PHACTR2: variants seen among roughly 807,000 people sequenced by gnomAD.
PHACTR2 encodes the protein chromosome 6 open reading frame 56.
In PHACTR2, 30 loss-of-function variants were observed where a neutral mutation model predicts 76.0. The ratio of observed to expected loss-of-function variants is 0.39; its 90% confidence interval spans 0.30 to 0.54. The LOEUF is 0.54. PHACTR2 is among the 20% of genes least tolerant of loss of function. The pLI is 0.61. For synonymous variants in PHACTR2, 292 were observed against 292.5 expected (o/e 1.00, Z 0.02); for missense variants, 696 against 781.1 (o/e 0.89, Z 1.30).
At chr6:143,560,365 T>C (rs1401890759) in intron 1 of PHACTR2, among the ~76,000 whole-genome samples, 1 of 152,216 alleles carries the variant, frequency 6.6e-6, no homozygotes, top group Non-Finnish European at 1.5e-5. Flanking sequence ...TGATTCTGTA[T>C]CTTTAAATTA....
At position 143,760,566 on chromosome 6, in the gene PHACTR2, A is replaced by G. The variant is rs1408746561; in HGVS notation, c.620A>G (p.Asn207Ser). ...KGDEVPPIKKNTKAPGKQAPV... is the reference protein window; with the variant it reads ...KGDEVPPIKKSTKAPGKQAPV... ...GATGAAGTGCCTCCCATTAAAAAAA[A>G]TACCAAGGCTCCTGGTAAGCAGGCC... Residue 207 changes from asparagine to serine, a missense_variant, in exon 5 of 13, where the codon AAT becomes AGT. Around this residue, in one of 2 missense-constraint regions of PHACTR2, gnomAD observed 460 missense variants for 450.9 expected, o/e 1.02. Transcript: ENST00000440869. This position sits in a 1 kb window ranked among gnomAD's most constrained non-coding sequence, Gnocchi z 6.4. 1.2e-6 allele frequency: 2 copies of G among 1,613,900 alleles called. No individual in the cohort carries two copies. The highest frequency in any genetic ancestry group is 2.2e-5 in the South Asian group (2 of 91,076).
intron 1 of PHACTR2, among the ~76,000 whole-genome samples, chr6:143,540,841 G>A (rs1454308790): frequency 6.6e-6 from 1 of 152,184 alleles, no homozygotes; most frequent in Non-Finnish European, 1.5e-5. Context: ...CTTTTATTAT[G>A]TTTATAAAAA....
chr6:143,679,058 A>G lies in PHACTR2; in HGVS notation c.46+849A>G, dbSNP rs1254990785. Among the ~76,000 whole-genome samples, 1 of 152,158 alleles carries G rather than the reference A, an allele frequency of 6.6e-6. No individual in the cohort carries two copies. Among genetic ancestry groups the G allele is most frequent in the African/African-American group, 2.4e-5 (1 of 41,428 alleles). ...TTAAAAATAAATAATACTCGAAGGG[A>G]CCGTTTATGTTACTCATTGAGATAT... is the stretch of plus-strand genomic sequence containing the variant. On this transcript the variant is annotated intron_variant, in intron 1 of 12. Coordinates refer to ENST00000440869, the MANE Select transcript of PHACTR2 (RefSeq NM_001100164.2). This position sits in a 1 kb window ranked among gnomAD's most constrained non-coding sequence, Gnocchi z 4.6.
chr6:143,717,908 T>A (rs1742648645), intron 2 of PHACTR2, among the ~76,000 whole-genome samples: 2 of 152,168 alleles, frequency 1.3e-5, no homozygotes, highest in South Asian at 4.1e-4. Context: ...TTGAAGATTT[T>A]AAAAATTATA....
chr6:143,746,924 G>C (rs1189310325), intron 2 of PHACTR2, among the ~76,000 whole-genome samples: 1 of 152,014 alleles, frequency 6.6e-6, no homozygotes, highest in Non-Finnish European at 1.5e-5. Context: ...GCTTCTGGAA[G>C]ATACAGGAAG....
chr6:143,797,356 A>G (rs543247291), intron 11 of PHACTR2, among the ~76,000 whole-genome samples: 21 of 152,260 alleles, frequency 1.4e-4, no homozygotes, highest in Non-Finnish European at 1.6e-4. Flanking sequence ...CCCATTCTGT[A>G]GGTTGCCTGT....
At chr6:143,538,665 A>C (rs1435686402) in intron 1 of PHACTR2, among the ~76,000 whole-genome samples, 1 of 152,216 alleles carries the variant, frequency 6.6e-6, no homozygotes, top group East Asian at 1.9e-4. Context: ...TGTTCAAAAA[A>C]GCACATTTCC....
intron 9 of PHACTR2, among the ~76,000 whole-genome samples, chr6:143,778,100 G>A (rs1016865161): frequency 1.3e-5 from 2 of 152,146 alleles, no homozygotes; most frequent in African/African-American, 4.8e-5. Flanking sequence ...GTTAAGAAAC[G>A]GATATTTTTA....
Position 143,623,071 on chromosome 6 carries a change from G to A in PHACTR2, c.13+14749G>A, listed in dbSNP as rs989958008. 1.3e-5 allele frequency among the ~76,000 whole-genome samples: 2 copies of A among 152,076 alleles called. No homozygotes were observed. The highest frequency in any genetic ancestry group is 4.8e-5 in the African/African-American group (2 of 41,412). ...CCCTAACACTGATGTCAAATATGCC[G>A]GTGAAGAGTTTGAATAAAATGTTTT... On this transcript the variant is annotated intron_variant, in intron 1 of 11. Coordinates refer to the PHACTR2 transcript ENST00000305766. The surrounding 1 kb of genome is among the most constrained non-coding windows in gnomAD (Gnocchi z 5.9).
chr6:143,712,643 GTTAA>G (rs1216357599), intron 2 of PHACTR2, among the ~76,000 whole-genome samples: 1 of 151,824 alleles, frequency 6.6e-6, no homozygotes, highest in Non-Finnish European at 1.5e-5. Flanking sequence ...GGTCTTGTTC[GTTAA>G]TTAAAACTTT....
chr6:143,628,643 C>T (rs982203494), intron 1 of PHACTR2, among the ~76,000 whole-genome samples: 10 of 152,060 alleles, frequency 6.6e-5, no homozygotes, highest in Admixed American at 1.3e-4. Context: ...GTAATAGCCT[C>T]ATCTCAGAAT....
intron 1 of PHACTR2, among the ~76,000 whole-genome samples, chr6:143,572,651 C>G (rs1775457005): frequency 1.3e-5 from 2 of 152,170 alleles, no homozygotes; most frequent in Admixed American, 1.3e-4. Context: ...CTCCCGGGCT[C>G]AAGCAATCCT....
chr6:143,574,993 G>T (rs890614802), intron 1 of PHACTR2, among the ~76,000 whole-genome samples: 17 of 152,114 alleles, frequency 1.1e-4, no homozygotes, highest in Non-Finnish European at 1.6e-4. Flanking sequence ...ATGTTGACTG[G>T]CAGATTAGAT....
rs1449485702 is a variant in PHACTR2, at chr6:143,772,674, C to T, written c.1432+217C>T. On this transcript the variant is annotated intron_variant, in intron 7 of 12. Transcript: ENST00000440869. This position sits in a 1 kb window ranked among gnomAD's most constrained non-coding sequence, Gnocchi z 5.4. Reference sequence around the variant, plus strand: ...TCACATGGCTGGATCTGGCCTTTGTCGATGAGCTAGATGAGCTAGATGTGC... The same window carrying T: ...TCACATGGCTGGATCTGGCCTTTGTTGATGAGCTAGATGAGCTAGATGTGC... Among the ~76,000 whole-genome samples the T allele has an allele frequency of 3.9e-5, 6 of 152,204 alleles. No homozygotes were observed. Among genetic ancestry groups the T allele is most frequent in the Admixed American group, 6.5e-5 (1 of 15,288 alleles).
chr6:143,638,576 TACAC>T (rs113707533), intron 1 of PHACTR2, among the ~76,000 whole-genome samples: 40,008 of 146,866 alleles, frequency 0.27, 7,048 homozygotes, highest in Non-Finnish European at 0.4. Context: ...CACACACACA[TACAC>T]ACACACACAC....
intron 2 of PHACTR2, among the ~76,000 whole-genome samples, chr6:143,714,417 A>G (rs1355020171): frequency 1.3e-5 from 2 of 152,246 alleles, no homozygotes; most frequent in Non-Finnish European, 2.9e-5. Flanking sequence ...AGGATGTAAC[A>G]CTAATTTATT....
intron 12 of PHACTR2, among the ~76,000 whole-genome samples, chr6:143,814,761 C>T (rs1350955854): frequency 6.6e-6 from 1 of 152,078 alleles, no homozygotes; most frequent in African/African-American, 2.4e-5. Flanking sequence ...CACCACTACG[C>T]CTGGCTAATT....
intron 12 of PHACTR2, chr6:143,810,707 A>G: frequency 3.4e-6 from 1 of 296,642 alleles, no homozygotes; most frequent in Non-Finnish European, 6.8e-6. Context: ...TGGCACTTGC[A>G]TGTAGTCTCA....
In PHACTR2 at chr6:143,760,350, A is replaced by G. The variant is rs566145606; in HGVS notation, c.455-51A>G. 25 of 1,536,742 alleles carry G rather than the reference A, an allele frequency of 1.6e-5. 1 individual carries two copies. The South Asian group carries it at 2.5e-4, about 15-fold the overall frequency. ...TCGTCATGTCTTGCTCCTTGTGTTT[A>G]TATGGTGTGTGTCTGTATCAGTCTG... On this transcript the variant is annotated intron_variant, in intron 4 of 12. Coordinates refer to ENST00000440869, the MANE Select transcript of PHACTR2 (RefSeq NM_001100164.2). The surrounding 1 kb of genome is among the most constrained non-coding windows in gnomAD (Gnocchi z 6.4).
Sources: allele counts gnomAD v4.1 joint callset (sites outside exome capture counted in the v4.1 genomes callset), GRCh38; gene constraint gnomAD v4.1.1; regional missense constraint gnomAD v4.1.1; non-coding constraint Gnocchi (gnomAD v3.1); transcripts MANE v1.5; gene names NCBI Gene and HGNC (gene_info 2026-07-23, HGNC 2026-07-21).